The following ELAC2 variants were observed in gnomAD, a reference collection of about 807,000 sequenced individuals.
ELAC2 encodes the protein elaC ribonuclease Z 2, also known as zinc phosphodiesterase ELAC protein 2.
A neutral mutation model predicts 105.2 loss-of-function variants in ELAC2; 92 were observed. The observed-to-expected ratio is 0.87, with a 90% CI of 0.74 to 1.04. The LOEUF is 1.04. Among genes scored for constraint, ELAC2 ranks in the 50% least tolerant of loss-of-function variants. The pLI, the probability that ELAC2 is intolerant of heterozygous loss-of-function variation, is 0.00. For synonymous variants in ELAC2, 468 were observed against 409.1 expected (o/e 1.14, Z -1.74); for missense variants, 1,099 against 1,071.7 (o/e 1.03, Z -0.36).
At chr17:13,017,578 G>A (rs1440142912) in intron 1 of ELAC2, 125 bp downstream of exon 1, 1 of 1,515,440 alleles carries the variant, frequency 6.6e-7, no homozygotes. Context: ...ATAACTCCAC[G>A]AACCCCCGCA....
Position 12,991,864 on chromosome 17 carries a change from C to CTTACTTACT in ELAC2, c.*953_*954insAGTAAGTAA, listed in dbSNP as rs2040179108. On this transcript the variant is annotated 3_prime_UTR_variant, in exon 24 of 24. Coordinates refer to ENST00000338034, the MANE Select transcript of ELAC2 (RefSeq NM_018127.7). ...TAGATTCAACTTACTTACTTACTTA[C>CTTACTTACT]TTACTTTACTTACTTACTTCCTTGG... Among the ~76,000 whole-genome samples the CTTACTTACT allele has an allele frequency of 1.6e-5, 2 of 126,790 alleles. No individual in the cohort carries two copies. The highest frequency in any genetic ancestry group is 1.9e-5 in the Non-Finnish European group (1 of 52,062). The allele number at this position is 126,790 out of a possible 152,430, so 83.2% of individuals were successfully genotyped here. A position where few individuals can be genotyped will look rare whatever the true frequency, so the allele number is the denominator to read the frequency against.
rs1318859107 is a variant in ELAC2, at chr17:12,995,757, T to G, written c.1754A>C (p.Lys585Thr). Residue 585 changes from lysine (K) to threonine (T), a missense_variant, in exon 19 of 24, where the codon AAA (lysine) becomes ACA (threonine). Lys to Thr is a moderately conservative substitution (Grantham distance 78). Coordinates refer to ENST00000338034, the MANE Select transcript of ELAC2 (RefSeq NM_018127.7). The part of the protein sequence containing the change: ...PLLVVAPNQL[K>T]AWLQQYHNQC... ...GTTGTGGTACTGCTGGAGCCAGGCTTTGAGCTGGTTGGGGGCAACCACCAG... is the reference window on the plus strand; with the variant it reads ...GTTGTGGTACTGCTGGAGCCAGGCTGTGAGCTGGTTGGGGGCAACCACCAG... 1 of 1,613,024 alleles carries G rather than the reference T, an allele frequency of 6.2e-7. No homozygotes were observed. Among genetic ancestry groups the G allele is most frequent in the South Asian group, 1.1e-5 (1 of 90,744 alleles).
intron 10 of ELAC2, 68 bp from the exon 11 acceptor site, chr17:13,005,169 G>A (rs931688481): frequency 2.7e-5 from 30 of 1,093,352 alleles, no homozygotes; most frequent in Non-Finnish European, 4.1e-5. Context: ...TGCCTTCAAG[G>A]CAACTGCTAA....
At chr17:13,017,299 G>T in intron 1 of ELAC2, 178 bp from the exon 2 acceptor site, 1 of 696,158 alleles carries the variant, frequency 1.4e-6, no homozygotes, top group Non-Finnish European at 2.5e-6. Flanking sequence ...CTTAGCAGAG[G>T]TGGAGAGGAG....
intron 15 of ELAC2, among the ~76,000 whole-genome samples, chr17:12,999,784 G>A (rs2040675106): frequency 6.6e-6 from 1 of 152,182 alleles, no homozygotes; most frequent in South Asian, 2.1e-4. Context: ...TCAGTCTCCC[G>A]AGTAGCTGGG....
At chr17:13,011,602 C>G in intron 7 of ELAC2, 61 bp downstream of exon 7, 2 of 1,613,106 alleles carry the variant, frequency 1.2e-6, no homozygotes, top group Non-Finnish European at 1.7e-6. Flanking sequence ...ACAAGCATTA[C>G]AAGGCAGAGA....
Position 12,993,704 on chromosome 17 carries a change from C to T in ELAC2, c.2236G>A (p.Ala746Thr). ...SPNFSEKVGV[A>T]FDHMKVCFGD... ...ATACAGACCTTCATGTGGTCAAAGGCAACTCCCACTTTCTCGCTGAAGTTG... is the reference window on the plus strand; with the variant it reads ...ATACAGACCTTCATGTGGTCAAAGGTAACTCCCACTTTCTCGCTGAAGTTG... The change falls in exon 23 of 24, where the codon GCC (alanine) becomes ACC (threonine). Residue 746 changes from alanine to threonine, a missense_variant. Ala to Thr is a moderately conservative substitution (Grantham distance 58). Coordinates refer to ENST00000338034, the MANE Select transcript of ELAC2 (RefSeq NM_018127.7). The T allele has an allele frequency of 6.2e-7, 1 of 1,614,188 alleles. No homozygotes were observed. Among genetic ancestry groups the T allele is most frequent in the South Asian group, 1.1e-5 (1 of 91,088 alleles).
At chr17:13,004,936 T>C in intron 11 of ELAC2, 53 bp downstream of exon 11, 1 of 1,375,670 alleles carries the variant, frequency 7.3e-7, no homozygotes, top group African/African-American at 1.4e-5. Context: ...CCCATGTCGA[T>C]GCTGGGCTGG....
rs747512585 is a variant in ELAC2 at position 13,016,820 on chromosome 17, A to G, written c.367+42T>C. 9 of 1,599,660 alleles carry G rather than the reference A, an allele frequency of 5.6e-6. No individual in the cohort carries two copies. In the African/African-American group the frequency reaches 1.1e-4, roughly 19 times the overall value. On this transcript the variant is annotated intron_variant, in intron 3 of 23. Transcript: ENST00000338034. ...ATGGTAAAGCCGGTTAAAATCCCAG[A>G]GACTTCCCACCAGCCTCTGACACTG...
rs201820800 is a variant in ELAC2, at chr17:13,007,137, AC to A, written c.739-1159del. ...AAAAAAGAAAAAGAAAAAAAAAAAA[AC>A]CCTAATATGCTATTACATTAGAAAG... is the stretch of plus-strand genomic sequence containing the variant. On this transcript the variant is annotated intron_variant, in intron 8 of 23. Coordinates refer to ENST00000338034, the MANE Select transcript of ELAC2 (RefSeq NM_018127.7). Among the ~76,000 whole-genome samples the A allele has an allele frequency of 8.4e-3, 1,237 of 148,098 alleles. 11 individuals are homozygous for A. Among genetic ancestry groups the A allele is most frequent in the African/African-American group, 0.026 (1,054 of 40,346 alleles).
At chr17:12,998,682 G>A (rs2040598751) in intron 15 of ELAC2, among the ~76,000 whole-genome samples, 174 bp from the exon 16 acceptor site, 1 of 152,138 alleles carries the variant, frequency 6.6e-6, no homozygotes. Flanking sequence ...AAGGCGTTTG[G>A]GCTACAGGGA....
intron 12 of ELAC2, among the ~76,000 whole-genome samples, chr17:13,003,221 T>C (rs2040918496): frequency 6.6e-6 from 1 of 152,232 alleles, no homozygotes; most frequent in African/African-American, 2.4e-5. Context: ...CGGCAGTATT[T>C]GTTCAGACAC....
intron 1 of ELAC2, 69 bp from the exon 2 acceptor site, chr17:13,017,190 T>G: frequency 7.2e-7 from 1 of 1,386,026 alleles, no homozygotes. Context: ...ACCAATTAGA[T>G]GTTTTATTGT....
Position 13,005,012 on chromosome 17 carries a change from G to A in ELAC2, c.960C>T (p.Ile320=). Residue 320 remains isoleucine (I), a synonymous_variant, in exon 11 of 24, where the codon ATC becomes ATT. Coordinates refer to ENST00000338034, the MANE Select transcript of ELAC2 (RefSeq NM_018127.7). ...ECPDESFIQP[I]CENATFQRYQ... is the part of the protein sequence containing the mutation. ...ACCTCTGAAAGGTGGCATTCTCACAGATGGGTTGAATGAAGCTTTCATCTG... is the reference window on the plus strand; with the variant it reads ...ACCTCTGAAAGGTGGCATTCTCACAAATGGGTTGAATGAAGCTTTCATCTG... The A allele has an allele frequency of 6.2e-7, 1 of 1,614,090 alleles. No homozygotes were observed. Among genetic ancestry groups the A allele is most frequent in the Non-Finnish European group, 8.5e-7 (1 of 1,179,940 alleles).
intron 22 of ELAC2, 83 bp downstream of exon 22, chr17:12,994,342 T>G: frequency 6.7e-7 from 1 of 1,494,752 alleles, no homozygotes. Context: ...CCCACATCAG[T>G]GGAGACAAAC....
At chr17:13,011,819 C>T in intron 6 of ELAC2, 37 bp from the exon 7 acceptor site, 1 of 1,614,042 alleles carries the variant, frequency 6.2e-7, no homozygotes, top group Non-Finnish European at 8.5e-7. Flanking sequence ...ACACACTGCA[C>T]AAGGTGAGCT....
intron 11 of ELAC2, chr17:13,004,174 A>T (rs994127668): frequency 6.3e-6 from 1 of 157,934 alleles, no homozygotes; most frequent in Non-Finnish European, 1.4e-5. Context: ...CATGGCTCTC[A>T]AATGACACCT....
At chr17:13,010,058 G>A (rs1295593415) in intron 8 of ELAC2, among the ~76,000 whole-genome samples, 2 of 150,970 alleles carry the variant, frequency 1.3e-5, no homozygotes, top group Non-Finnish European at 2.9e-5. Flanking sequence ...GGAAATAAAA[G>A]TATGGGGTTA....
At chr17:12,994,601 C>T (rs907170903) in intron 21 of ELAC2, 98 bp from the exon 22 acceptor site, 2 of 1,595,688 alleles carry the variant, frequency 1.3e-6, no homozygotes, top group African/African-American at 2.7e-5. Flanking sequence ...CTCAGCTCCC[C>T]TGGCCCTGGG....
Sources: allele counts gnomAD v4.1 joint callset (sites outside exome capture counted in the v4.1 genomes callset), GRCh38; gene constraint gnomAD v4.1.1; transcripts MANE v1.5; gene names NCBI Gene and HGNC (gene_info 2026-07-23, HGNC 2026-07-21).